The following FRMD3 variants were observed in gnomAD, a reference collection of about 807,000 sequenced individuals.
FRMD3 encodes FERM domain containing 3.
In FRMD3, 33 loss-of-function variants were observed where a neutral mutation model predicts 70.2. The ratio of observed to expected loss-of-function variants is 0.47; its 90% CI spans 0.36 to 0.63. The LOEUF (loss-of-function observed/expected upper bound fraction) is 0.63. Ranked by LOEUF, FRMD3 falls within the 20% of genes least tolerant of loss-of-function variation. The probability of loss-of-function intolerance (pLI) is 0.00; values close to 1 mark genes in which losing one functional copy is unlikely to be tolerated. For synonymous variants in FRMD3, 279 were observed against 255.9 expected (o/e 1.09, Z -0.86); for missense variants, 632 against 711.4 (o/e 0.89, Z 1.27).
At chr9:83,464,810 G>A (rs1828075096) in intron 1 of FRMD3, among the ~76,000 whole-genome samples, 1 of 152,150 alleles carries the variant, frequency 6.6e-6, no homozygotes, top group South Asian at 2.1e-4. Context: ...CTTGAGGTCA[G>A]GAATTCAAGA....
chr9:83,523,330 G>C (rs1829621291), intron 1 of FRMD3, among the ~76,000 whole-genome samples: 1 of 152,180 alleles, frequency 6.6e-6, no homozygotes, highest in Non-Finnish European at 1.5e-5. Context: ...TGAATAGATA[G>C]ATAGATAGAT....
intron 13 of FRMD3, chr9:83,279,060 T>C (rs1226441117): frequency 2.6e-5 from 4 of 152,246 alleles, no homozygotes; most frequent in Non-Finnish European, 5.9e-5. Flanking sequence ...TTTTTAAATA[T>C]GGATAACCCT....
chr9:83,378,486 AATAT>A (rs1825224404), intron 2 of FRMD3, among the ~76,000 whole-genome samples: 1 of 80,342 alleles, frequency 1.2e-5, no homozygotes, highest in Non-Finnish European at 2.7e-5. Flanking sequence ...TTATATATAT[AATAT>A]ACATATAAAA....
chr9:83,442,146 A>G (rs1309898680), intron 1 of FRMD3, among the ~76,000 whole-genome samples: 1 of 152,196 alleles, frequency 6.6e-6, no homozygotes, highest in African/African-American at 2.4e-5. Flanking sequence ...AACACTGACA[A>G]TAACAGCTAC....
At chr9:83,280,687 A>G (rs1563991711) in intron 13 of FRMD3, among the ~76,000 whole-genome samples, 1 of 152,234 alleles carries the variant, frequency 6.6e-6, no homozygotes, top group African/African-American at 2.4e-5. Context: ...CATACAAATA[A>G]TTGCATATTT....
chr9:83,293,553 G>T (rs1886125), intron 12 of FRMD3, among the ~76,000 whole-genome samples: 77,503 of 151,908 alleles, frequency 0.51, 21,211 homozygotes, highest in South Asian at 0.7. Context: ...CCAACATTCT[G>T]TAGCTGGAGA....
chr9:83,367,424 G>A (rs1438368567), intron 3 of FRMD3, among the ~76,000 whole-genome samples: 1 of 152,112 alleles, frequency 6.6e-6, no homozygotes, highest in Non-Finnish European at 1.5e-5. Context: ...ATAAAACCTG[G>A]CAGAATACAT....
At chr9:83,525,015 C>G (rs1446627650) in intron 1 of FRMD3, among the ~76,000 whole-genome samples, 1 of 152,008 alleles carries the variant, frequency 6.6e-6, no homozygotes, top group Non-Finnish European at 1.5e-5. Context: ...GTCCTCTCTT[C>G]TATTAATAAG....
At chr9:83,541,757 T>A (rs1203000147), upstream of FRMD3, among the ~76,000 whole-genome samples, 2 of 152,066 alleles carry the variant, frequency 1.3e-5, no homozygotes, top group Non-Finnish European at 2.9e-5. Context: ...CAAGTAGACT[T>A]CAGAATGGTG....
chr9:83,567,289 T>G, the FRMD3 span, among the ~76,000 whole-genome samples: 1 of 152,208 alleles, frequency 6.6e-6, no homozygotes, highest in Non-Finnish European at 1.5e-5. Context: ...GTCCCTAGGC[T>G]GCACCAAGTC....
Position 83,389,644 on chromosome 9 carries a change from T to C in FRMD3, c.212A>G (p.Asp71Gly). ...ICNYYSLLEK[D>G]YFGIRYVDPE... ...GTCCACATAGCGAATGCCAAAGTAG[T>C]CCTTCTCCAGCAGGCTGTAGTAGTT... is the stretch of plus-strand genomic sequence containing the variant. Residue 71 changes from aspartate (D) to glycine (G), a missense_variant, in exon 2 of 14, where the codon GAC (aspartate) becomes GGC (glycine). Around this residue, in one of 3 missense-constraint regions of FRMD3, gnomAD observed 208 missense variants for 247.7 expected, o/e 0.84. Coordinates refer to ENST00000304195, the MANE Select transcript of FRMD3 (RefSeq NM_174938.6). The C allele has an allele frequency of 6.2e-7, 1 of 1,613,988 alleles. No homozygotes were observed.
At chr9:83,311,440 CT>C (rs988342672) in intron 8 of FRMD3, among the ~76,000 whole-genome samples, 4 of 152,284 alleles carry the variant, frequency 2.6e-5, no homozygotes, top group Admixed American at 2.6e-4. Context: ...TTCCTACTAC[CT>C]TTTGCCAAAA....
At chr9:83,327,146 G>A (rs1177745156) in intron 6 of FRMD3, among the ~76,000 whole-genome samples, 1 of 152,182 alleles carries the variant, frequency 6.6e-6, no homozygotes, top group African/African-American at 2.4e-5. Flanking sequence ...GAGCCTAGGA[G>A]CTCTAGAATG....
chr9:83,437,961 T>C (rs1349371974), intron 1 of FRMD3, among the ~76,000 whole-genome samples: 1 of 152,106 alleles, frequency 6.6e-6, no homozygotes, highest in East Asian at 1.9e-4. Context: ...GAAGGGGGCA[T>C]GTGAGGGCAC....
intron 2 of FRMD3, among the ~76,000 whole-genome samples, chr9:83,378,261 G>GTTTTTTTTTTTT (rs141992984): frequency 7.7e-6 from 1 of 129,406 alleles, no homozygotes. Context: ...CTTCTTTTTT[G>GTTTTTTTTTTTT]TTTTTTTTGT....
At chr9:83,479,149 C>A in intron 1 of FRMD3, among the ~76,000 whole-genome samples, 1 of 151,758 alleles carries the variant, frequency 6.6e-6, no homozygotes, top group Admixed American at 6.6e-5. Context: ...CAAATACGGC[C>A]AATGCAAAAA....
intron 1 of FRMD3, among the ~76,000 whole-genome samples, chr9:83,407,286 C>A (rs1441653858): frequency 2.0e-5 from 3 of 152,162 alleles, no homozygotes; most frequent in African/African-American, 7.2e-5. Context: ...TACAAATATT[C>A]ATTAAACCAT....
chr9:83,557,815 T>C, the FRMD3 span, among the ~76,000 whole-genome samples: 3 of 152,182 alleles, frequency 2.0e-5, no homozygotes, highest in South Asian at 6.2e-4. Context: ...TTGTTTGCAA[T>C]GTCAGGAAGA....
At chr9:83,569,024 A>G in the FRMD3 span, among the ~76,000 whole-genome samples, 1 of 152,118 alleles carries the variant, frequency 6.6e-6, no homozygotes, top group South Asian at 2.1e-4. Context: ...ATATTGGGAA[A>G]TGATTTCAAT....
Sources: allele counts gnomAD v4.1 joint callset (sites outside exome capture counted in the v4.1 genomes callset), GRCh38; gene constraint gnomAD v4.1.1; regional missense constraint gnomAD v4.1.1; transcripts MANE v1.5; gene names NCBI Gene and HGNC (gene_info 2026-07-23, HGNC 2026-07-21).